RBFOX1: variants seen among roughly 807,000 people sequenced by gnomAD.
RBFOX1 encodes RNA binding fox-1 homolog 1.
A neutral mutation model predicts 57.7 loss-of-function variants in RBFOX1; 8 were observed. The observed-to-expected ratio is 0.14, with a 90% CI of 0.08 to 0.25. The LOEUF is 0.25. RBFOX1 is among the 10% of genes least tolerant of loss of function. RBFOX1 has a pLI of 1.00. For missense variants in RBFOX1, 611 were observed against 548.5 expected (o/e 1.11, Z -1.14); for synonymous variants, 326 against 222.4 (o/e 1.47, Z -4.15).
chr16:5,739,956 A>G (rs1324665031), intron 3 of RBFOX1, among the ~76,000 whole-genome samples: 1 of 152,240 alleles, frequency 6.6e-6, no homozygotes, highest in Non-Finnish European at 1.5e-5. Context: ...AGGTGGGGTG[A>G]GGCTGGGTTG....
At chr16:7,444,287 C>T (rs758347293) in intron 4 of RBFOX1, among the ~76,000 whole-genome samples, 43 of 152,190 alleles carry the variant, frequency 2.8e-4, no homozygotes, top group Non-Finnish European at 5.9e-4. Flanking sequence ...TGGGTGTGGT[C>T]TGGCTGGAAC....
At chr16:7,534,076 C>T (rs1408976784) in intron 5 of RBFOX1, among the ~76,000 whole-genome samples, 1 of 119,842 alleles carries the variant, frequency 8.3e-6, no homozygotes, top group Non-Finnish European at 2.0e-5. Flanking sequence ...AAGGTCCCAA[C>T]GTTTTTTTTC....
intron 2 of RBFOX1, among the ~76,000 whole-genome samples, chr16:6,391,529 A>G (rs2092603653): frequency 6.6e-6 from 1 of 152,054 alleles, no homozygotes; most frequent in East Asian, 1.9e-4. Flanking sequence ...AAAAAAGAAA[A>G]AAAAGTATCA....
intron 2 of RBFOX1, among the ~76,000 whole-genome samples, chr16:6,325,516 C>G (rs2082274554): frequency 6.6e-6 from 1 of 152,156 alleles, no homozygotes; most frequent in Non-Finnish European, 1.5e-5. Flanking sequence ...CTGCTGAATC[C>G]CTTCATTTAA....
At chr16:6,536,397 T>G (rs2096736021) in intron 2 of RBFOX1, among the ~76,000 whole-genome samples, 1 of 152,226 alleles carries the variant, frequency 6.6e-6, no homozygotes, top group Admixed American at 6.5e-5. Flanking sequence ...CACATTCTAA[T>G]TTCTGTCCCC....
At chr16:5,838,028 T>C (rs547920634) in intron 3 of RBFOX1, 1 of 152,476 alleles carries the variant, frequency 6.6e-6, no homozygotes, top group African/African-American at 2.4e-5. Flanking sequence ...TAATGTGACA[T>C]TGCTGCATAA....
chr16:5,264,985 A>G (rs2062823403), intron 1 of RBFOX1, among the ~76,000 whole-genome samples: 1 of 152,060 alleles, frequency 6.6e-6, no homozygotes, highest in Non-Finnish European at 1.5e-5. Context: ...ATTCTGACTG[A>G]TCATGGTGGA....
intron 4 of RBFOX1, among the ~76,000 whole-genome samples, chr16:7,447,512 A>C (rs192079655): frequency 6.6e-6 from 1 of 152,182 alleles, no homozygotes; most frequent in East Asian, 1.9e-4. Context: ...GGTAGCATAA[A>C]AACACATTGC....
At chr16:6,826,072 G>T (rs961356805) in intron 3 of RBFOX1, among the ~76,000 whole-genome samples, 2 of 152,056 alleles carry the variant, frequency 1.3e-5, no homozygotes, top group African/African-American at 4.8e-5. Flanking sequence ...GGTCCCCCAC[G>T]TTCATTGCCC....
At chr16:7,308,474 A>G (rs1433250691) in intron 4 of RBFOX1, among the ~76,000 whole-genome samples, 2 of 152,186 alleles carry the variant, frequency 1.3e-5, no homozygotes, top group Non-Finnish European at 2.9e-5. Context: ...AAATACGTCA[A>G]ATGCTTAAAA....
intron 3 of RBFOX1, among the ~76,000 whole-genome samples, chr16:6,809,106 G>A (rs867639281): frequency 2.6e-5 from 4 of 152,228 alleles, no homozygotes; most frequent in Middle Eastern, 6.8e-3. Flanking sequence ...TTCAAAAAAG[G>A]CAAACACCAA....
intron 3 of RBFOX1, among the ~76,000 whole-genome samples, chr16:6,894,967 C>T (rs894842656): frequency 6.6e-6 from 1 of 152,138 alleles, no homozygotes; most frequent in Non-Finnish European, 1.5e-5. Context: ...AACATACACC[C>T]TTCCAGAACT....
intron 4 of RBFOX1, among the ~76,000 whole-genome samples, chr16:7,074,961 G>T (rs935048764): frequency 3.3e-5 from 5 of 152,128 alleles, no homozygotes; most frequent in African/African-American, 1.2e-4. Flanking sequence ...AGAGGTAGGG[G>T]AGCTCATTGA....
chr16:6,565,173 G>C (rs1435600613), intron 2 of RBFOX1, among the ~76,000 whole-genome samples: 1 of 149,346 alleles, frequency 6.7e-6, no homozygotes, highest in Non-Finnish European at 1.5e-5. Context: ...GTAAACTACA[G>C]TGATAACAAA....
At chr16:5,933,316 T>G (rs1316873798) in intron 4 of RBFOX1, among the ~76,000 whole-genome samples, 1 of 152,212 alleles carries the variant, frequency 6.6e-6, no homozygotes, top group African/African-American at 2.4e-5. Context: ...AATTGATTAC[T>G]AAATGCAATT....
intron 3 of RBFOX1, among the ~76,000 whole-genome samples, chr16:6,835,370 C>A (rs2141214870): frequency 6.6e-6 from 1 of 152,216 alleles, no homozygotes; most frequent in East Asian, 1.9e-4. Flanking sequence ...ATAATCAGGA[C>A]AGGAAAAGAT....
chr16:6,799,133 C>T (rs114249539), intron 3 of RBFOX1, among the ~76,000 whole-genome samples: 1 of 152,084 alleles, frequency 6.6e-6, no homozygotes, highest in African/African-American at 2.4e-5. Flanking sequence ...AGAACTGGGG[C>T]TCAGCTTCGA....
At chr16:5,407,146 CAG>C (rs1402941995) in intron 1 of RBFOX1, among the ~76,000 whole-genome samples, 1 of 152,088 alleles carries the variant, frequency 6.6e-6, no homozygotes, top group East Asian at 1.9e-4. Context: ...AAGAGAGAGA[CAG>C]AGTGAAAAGT....
chr16:6,010,983 A>G (rs901762249), intron 4 of RBFOX1, among the ~76,000 whole-genome samples: 1 of 152,220 alleles, frequency 6.6e-6, no homozygotes, highest in Non-Finnish European at 1.5e-5. Flanking sequence ...TGGAGCATCT[A>G]TATCCCACCA....
Sources: allele counts gnomAD v4.1 joint callset (sites outside exome capture counted in the v4.1 genomes callset), GRCh38; gene constraint gnomAD v4.1.1; transcripts MANE v1.5; gene names NCBI Gene and HGNC (gene_info 2026-07-23, HGNC 2026-07-21).